Variants in XKR9 observed in about 807,000 individuals in gnomAD.
XKR9 encodes XK-related protein 9.
XKR9 carries 32 observed loss-of-function variants against 32.0 expected under a neutral mutation model. That is an observed-to-expected ratio of 1.00 (90% CI 0.76 to 1.34). The LOEUF (loss-of-function observed/expected upper bound fraction) is 1.34. Ranked by LOEUF, XKR9 falls within the 40% of genes most tolerant of loss-of-function variation. The pLI, the probability that XKR9 is intolerant of heterozygous loss-of-function variation, is 0.00. For synonymous variants in XKR9, 168 were observed against 143.4 expected, an observed-to-expected ratio of 1.17 and a Z score of -1.22; for missense variants, 546 against 429.7, an observed-to-expected ratio of 1.27 and a Z score of -2.39.
intron 4 of XKR9, among the ~76,000 whole-genome samples, chr8:70,710,679 G>C (rs1418251856): frequency 6.6e-6 from 1 of 151,994 alleles, no homozygotes; most frequent in East Asian, 1.9e-4. Flanking sequence ...ACTCCAACCT[G>C]GGTGACAGAG....
chr8:70,871,331 G>T, the XKR9 span, among the ~76,000 whole-genome samples: 1 of 152,056 alleles, frequency 6.6e-6, no homozygotes, highest in Non-Finnish European at 1.5e-5. Flanking sequence ...GGGGTTCATT[G>T]TATTGCACTT....
At chr8:70,876,257 A>T in the XKR9 span, among the ~76,000 whole-genome samples, 13 of 124,104 alleles carry the variant, frequency 1.0e-4, no homozygotes. Context: ...AGTCTTGCCC[A>T]GTGGCCCAGG....
chr8:70,864,804 G>A, the XKR9 span, among the ~76,000 whole-genome samples: 5 of 152,002 alleles, frequency 3.3e-5, no homozygotes, highest in Admixed American at 6.6e-5. Flanking sequence ...TAACCTTATC[G>A]GTTCTCTAGA....
At chr8:71,012,011 A>G in the XKR9 span, among the ~76,000 whole-genome samples, 3 of 149,346 alleles carry the variant, frequency 2.0e-5, no homozygotes, top group South Asian at 6.3e-4. Context: ...CTCTTTTTAC[A>G]TTGGTTATTG....
the XKR9 span, among the ~76,000 whole-genome samples, chr8:70,911,580 A>G: frequency 2.3e-4 from 35 of 152,338 alleles, no homozygotes; most frequent in Middle Eastern, 3.4e-3. Flanking sequence ...TCACGTGTCA[A>G]GATTCTTCTA....
the XKR9 span, among the ~76,000 whole-genome samples, chr8:70,872,913 G>A: frequency 6.6e-6 from 1 of 152,138 alleles, no homozygotes; most frequent in Non-Finnish European, 1.5e-5. Context: ...GCCTGCCTTG[G>A]CCTCCTAAAG....
chr8:70,958,043 G>C, the XKR9 span, among the ~76,000 whole-genome samples: 1 of 152,082 alleles, frequency 6.6e-6, no homozygotes, highest in Non-Finnish European at 1.5e-5. Context: ...CTGCCTTGGA[G>C]TCCCAAAGTG....
chr8:70,806,972 C>T, the XKR9 span, among the ~76,000 whole-genome samples: 9 of 151,978 alleles, frequency 5.9e-5, no homozygotes, highest in Non-Finnish European at 1.3e-4. Context: ...TCTTCAGATT[C>T]TCAATGTTGA....
At chr8:70,804,262 G>C in the XKR9 span, among the ~76,000 whole-genome samples, 1 of 152,236 alleles carries the variant, frequency 6.6e-6, no homozygotes, top group South Asian at 2.1e-4. Flanking sequence ...CCTGCTGTTT[G>C]GGTATTTCCT....
chr8:70,969,762 A>G, the XKR9 span, among the ~76,000 whole-genome samples: 1 of 152,108 alleles, frequency 6.6e-6, no homozygotes, highest in Non-Finnish European at 1.5e-5. Flanking sequence ...TTCTTTTTCT[A>G]TTCCAATAGG....
the XKR9 span, among the ~76,000 whole-genome samples, chr8:70,894,732 G>A: frequency 6.6e-6 from 1 of 152,264 alleles, no homozygotes; most frequent in East Asian, 1.9e-4. Context: ...TGCTCTGTGT[G>A]GCTAAGGTGG....
At chr8:70,999,803 C>G in the XKR9 span, among the ~76,000 whole-genome samples, 2 of 152,238 alleles carry the variant, frequency 1.3e-5, no homozygotes, top group Admixed American at 1.3e-4. Flanking sequence ...GCACCATAAC[C>G]TAACAAAAAC....
the XKR9 span, among the ~76,000 whole-genome samples, chr8:70,902,080 G>A: frequency 6.6e-6 from 1 of 152,160 alleles, no homozygotes; most frequent in African/African-American, 2.4e-5. Context: ...TTGAAGTCAG[G>A]TAGCATGATA....
chr8:70,889,456 G>A, the XKR9 span, among the ~76,000 whole-genome samples: 1 of 151,508 alleles, frequency 6.6e-6, no homozygotes, highest in Non-Finnish European at 1.5e-5. Flanking sequence ...TTTGTTACCT[G>A]GGTATAGTGT....
intron 4 of XKR9, among the ~76,000 whole-genome samples, chr8:70,718,891 C>T (rs938482090): frequency 6.6e-6 from 1 of 152,154 alleles, no homozygotes; most frequent in Admixed American, 6.5e-5. Context: ...TGAGGAATCA[C>T]CACACTGTCC....
intron 4 of XKR9, among the ~76,000 whole-genome samples, chr8:70,727,126 C>T (rs1182879490): frequency 1.3e-5 from 2 of 152,010 alleles, no homozygotes; most frequent in East Asian, 3.9e-4. Context: ...ATAGAAATGT[C>T]TTGATCTTGA....
downstream of XKR9, among the ~76,000 whole-genome samples, chr8:70,792,351 C>T (rs55865599): frequency 0.33 from 50,211 of 151,842 alleles, 9,429 homozygotes; most frequent in Non-Finnish European, 0.43. Context: ...TACCAAGATC[C>T]TCAGGCGTGA....
the XKR9 span, among the ~76,000 whole-genome samples, chr8:70,811,973 G>T: frequency 6.6e-6 from 1 of 151,984 alleles, no homozygotes; most frequent in Non-Finnish European, 1.5e-5. Context: ...CCAAAGCCTG[G>T]CAGAGACACA....
At chr8:70,812,985 G>T in the XKR9 span, among the ~76,000 whole-genome samples, 2 of 152,220 alleles carry the variant, frequency 1.3e-5, no homozygotes, top group African/African-American at 4.8e-5. Flanking sequence ...GCATTGCCAA[G>T]TCAATCCTAA....
Sources: gnomAD v4.1 joint callset for allele counts (sites outside exome capture counted in the v4.1 genomes callset) on GRCh38, gnomAD v4.1.1 for gene constraint, MANE v1.5 for transcripts, NCBI Gene and HGNC (gene_info 2026-07-23, HGNC 2026-07-21) for gene names.